Variants in GABRP observed in about 807,000 individuals in gnomAD.
GABRP encodes the protein gamma-aminobutyric acid type A receptor subunit pi, also known as gamma-aminobutyric acid receptor subunit pi.
A neutral mutation model predicts 47.8 loss-of-function variants in GABRP; 52 were observed. That is an observed-to-expected ratio of 1.09 (90% CI 0.87 to 1.37). The LOEUF (loss-of-function observed/expected upper bound fraction) is 1.37. Ranked by LOEUF, GABRP falls within the 40% of genes most tolerant of loss-of-function variation. The pLI is 0.00. For missense variants in GABRP, 525 were observed against 542.8 expected, an observed-to-expected ratio of 0.97 and a Z score of 0.33; for synonymous variants, 221 against 205.8, an observed-to-expected ratio of 1.07 and a Z score of -0.63.
At chr5:170,792,592 G>C (rs1765304417) in intron 3 of GABRP, among the ~76,000 whole-genome samples, 1 of 152,170 alleles carries the variant, frequency 6.6e-6, no homozygotes. Flanking sequence ...TCTCAGAGCT[G>C]CACCTTGCTG....
At chr5:170,794,116 T>C in intron 3 of GABRP, 115 bp from the exon 4 acceptor site, 1 of 576,006 alleles carries the variant, frequency 1.7e-6, no homozygotes, top group Non-Finnish European at 2.8e-6. Context: ...TATTTAAATT[T>C]TTCTAACAAC....
At chr5:170,789,083 T>G (rs781085845) in intron 2 of GABRP, 46 bp from the exon 3 acceptor site, 2 of 1,475,408 alleles carry the variant, frequency 1.4e-6, no homozygotes, top group Non-Finnish European at 1.9e-6. Flanking sequence ...CACGTGTTGA[T>G]TCACACATAA....
Position 170,810,430 on chromosome 5 carries a change from GA to G in GABRP, c.1020+678del, listed in dbSNP as rs559817795. On this transcript the variant is annotated intron_variant, in intron 9 of 9. Transcript: ENST00000265294. ...TTTATGAAATCTGATAACAAGAAGG[GA>G]AAGAGACTTACCGCAGGGGATATAG... Among the ~76,000 whole-genome samples the G allele has an allele frequency of 1.5e-3, 231 of 152,250 alleles. 1 individual carries two copies. The highest frequency in any genetic ancestry group is 5.2e-3 in the African/African-American group (218 of 41,540).
chr5:170,795,063 T>A (rs1331521193), intron 4 of GABRP, 145 bp from the exon 5 acceptor site: 1 of 679,142 alleles, frequency 1.5e-6, no homozygotes, highest in African/African-American at 1.8e-5. Context: ...GCAATTAGAA[T>A]GGTAACTTTA....
chr5:170,811,808 T>C (rs915604308), intron 9 of GABRP, 148 bp from the exon 10 acceptor site: 10 of 718,348 alleles, frequency 1.4e-5, no homozygotes, highest in African/African-American at 1.1e-4. Flanking sequence ...GCCTGGCTTA[T>C]TGGCCAATTT....
chr5:170,805,901 T>C (rs754677208), intron 7 of GABRP, 48 bp downstream of exon 7: 167 of 1,595,434 alleles, frequency 1.0e-4, no homozygotes, highest in Non-Finnish European at 1.4e-4. Context: ...TGAACTGAGG[T>C]GTAGGGTTGC....
At chr5:170,789,333 T>C in intron 3 of GABRP, 86 bp downstream of exon 3, 1 of 768,552 alleles carries the variant, frequency 1.3e-6, no homozygotes, top group South Asian at 1.8e-5. Flanking sequence ...AGGTTTTAGT[T>C]GACTCCATTT....
intron 6 of GABRP, among the ~76,000 whole-genome samples, chr5:170,799,543 AT>A (rs1299672881): frequency 6.6e-6 from 1 of 152,180 alleles, no homozygotes; most frequent in South Asian, 2.1e-4. Flanking sequence ...GATGATGAGC[AT>A]TTTTTCATGT....
At chr5:170,810,134 C>A in intron 9 of GABRP, 1 of 484,508 alleles carries the variant, frequency 2.1e-6, no homozygotes, top group Non-Finnish European at 3.6e-6. Flanking sequence ...ATTATTTTGT[C>A]CTTAAATTAT....
rs1281909193 is a variant in GABRP, at chr5:170,813,965, C to T, written c.*1707C>T. 1 of 152,180 alleles carries T rather than the reference C, an allele frequency of 6.6e-6. No individual in the cohort carries two copies. The highest frequency in any genetic ancestry group is 1.5e-5 in the Non-Finnish European group (1 of 68,008). The allele number at this position is 152,180 out of a possible 1,614,324, so 9.4% of individuals were successfully genotyped here. A position where few individuals can be genotyped will look rare whatever the true frequency, so the allele number is the denominator to read the frequency against. On this transcript the variant is annotated 3_prime_UTR_variant, in exon 10 of 10. Coordinates refer to ENST00000265294, the MANE Select transcript of GABRP (RefSeq NM_014211.3). ...AAAGGAAATATCTGTTCTGAAACCC[C>T]ACTTAAGCATTGTTTTTATATAAAA...
intron 3 of GABRP, among the ~76,000 whole-genome samples, chr5:170,790,910 G>T (rs1402919804): frequency 1.3e-5 from 2 of 152,152 alleles, no homozygotes; most frequent in African/African-American, 4.8e-5. Context: ...GTTGGAGATG[G>T]GAGAGATGCA....
At position 170,800,198 on chromosome 5, in the gene GABRP, A is replaced by T. The variant is rs939457962; in HGVS notation, c.541+2650A>T. Among the ~76,000 whole-genome samples, 3 of 152,196 alleles carry T rather than the reference A, an allele frequency of 2.0e-5. No individual in the cohort carries two copies. In the East Asian group the frequency reaches 5.8e-4, roughly 29 times the overall value. On this transcript the variant is annotated intron_variant, in intron 6 of 9. Coordinates refer to ENST00000265294, the MANE Select transcript of GABRP (RefSeq NM_014211.3). ...TCAGAAATAATACCACACATCTACA[A>T]CTATCTGATCTTTGACAAACCTGGC...
intron 7 of GABRP, among the ~76,000 whole-genome samples, chr5:170,806,510 T>G (rs1216668374): frequency 6.6e-6 from 1 of 152,236 alleles, no homozygotes; most frequent in Non-Finnish European, 1.5e-5. Context: ...TGGCACGATC[T>G]CAGCTCACTG....
intron 6 of GABRP, among the ~76,000 whole-genome samples, chr5:170,799,478 T>G (rs993912287): frequency 6.6e-6 from 1 of 152,214 alleles, no homozygotes; most frequent in Non-Finnish European, 1.5e-5. Context: ...CCATTCTAAC[T>G]GCTATGAGAT....
chr5:170,807,911 A>G (rs1266744405), intron 7 of GABRP, among the ~76,000 whole-genome samples: 1 of 152,146 alleles, frequency 6.6e-6, no homozygotes, highest in African/African-American at 2.4e-5. Context: ...TAACCTCTTC[A>G]TTCATGCATC....
At chr5:170,795,555 C>CG in intron 5 of GABRP, 130 bp downstream of exon 5, 1 of 702,244 alleles carries the variant, frequency 1.4e-6, no homozygotes. Context: ...AGATCCTTGC[C>CG]CCCATAATAG....
chr5:170,803,310 A>G (rs1414766486), intron 6 of GABRP, among the ~76,000 whole-genome samples: 1 of 152,316 alleles, frequency 6.6e-6, no homozygotes, highest in East Asian at 1.9e-4. Flanking sequence ...GTAGTCTTTG[A>G]AAACAAAGGC....
chr5:170,795,150 G>A (rs1765391068), intron 4 of GABRP, 58 bp from the exon 5 acceptor site: 2 of 1,222,094 alleles, frequency 1.6e-6, no homozygotes, highest in African/African-American at 1.5e-5. Context: ...CCTCCATTTG[G>A]TGGGGTTTTC....
intron 1 of GABRP, 60 bp from the exon 2 acceptor site, chr5:170,788,514 G>A: frequency 8.9e-7 from 1 of 1,121,334 alleles, no homozygotes; most frequent in South Asian, 1.3e-5. Flanking sequence ...GAGAGAGGCT[G>A]GCCAGGAGCA....
Sources: allele counts gnomAD v4.1 joint callset (sites outside exome capture counted in the v4.1 genomes callset), GRCh38; gene constraint gnomAD v4.1.1; transcripts MANE v1.5; gene names NCBI Gene and HGNC (gene_info 2026-07-23, HGNC 2026-07-21).